LRRTM4: variants seen among roughly 807,000 people sequenced by gnomAD.
LRRTM4 encodes leucine rich repeat transmembrane neuronal 4.
Under a neutral mutation model 47.6 loss-of-function variants are expected in LRRTM4, and 25 were observed. That is an observed-to-expected ratio of 0.53 (90% CI 0.38 to 0.73). The LOEUF (loss-of-function observed/expected upper bound fraction) is 0.73. LRRTM4 is among the 30% of genes least tolerant of loss of function. The pLI is 0.00. For synonymous variants in LRRTM4, 311 were observed against 269.5 expected (o/e 1.15, Z -1.51); for missense variants, 638 against 713.4 (o/e 0.89, Z 1.20).
At chr2:77,079,299 C>T (rs994820261) in intron 3 of LRRTM4, among the ~76,000 whole-genome samples, 2 of 152,236 alleles carry the variant, frequency 1.3e-5, no homozygotes, top group East Asian at 3.9e-4. Flanking sequence ...AATTGGCAAA[C>T]CATGGTTTGC....
intron 3 of LRRTM4, among the ~76,000 whole-genome samples, chr2:77,020,961 C>A (rs1678245546): frequency 6.6e-6 from 1 of 152,054 alleles, no homozygotes; most frequent in South Asian, 2.1e-4. Flanking sequence ...ATGGGAGCTT[C>A]TATTACTGTT....
At chr2:77,434,454 A>G (rs942966115) in intron 3 of LRRTM4, among the ~76,000 whole-genome samples, 6 of 152,168 alleles carry the variant, frequency 3.9e-5, no homozygotes, top group Admixed American at 3.9e-4. Context: ...TGTTAAAAAA[A>G]AAAAAAACTA....
intron 3 of LRRTM4, among the ~76,000 whole-genome samples, chr2:76,879,575 A>C (rs1251998837): frequency 6.6e-6 from 1 of 152,192 alleles, no homozygotes; most frequent in Non-Finnish European, 1.5e-5. Context: ...ATGAGCTCTT[A>C]TGGAGATATG....
Position 77,142,890 on chromosome 2 carries a change from C to T in LRRTM4, c.1551+375428G>A, listed in dbSNP as rs183743610. 1.3e-3 allele frequency among the ~76,000 whole-genome samples: 199 copies of T among 152,208 alleles called. 1 individual carries two copies. In the Middle Eastern group the frequency reaches 0.014, roughly 10 times the overall value. Reference sequence around the variant, plus strand: ...AGTAACAGTGATGTAAAAAAAATTTCCCAAGGTTACTCCTCTTGTGACAAA... The same window carrying T: ...AGTAACAGTGATGTAAAAAAAATTTTCCAAGGTTACTCCTCTTGTGACAAA... On this transcript the variant is annotated intron_variant, in intron 3 of 3. Coordinates refer to ENST00000409884, the MANE Select transcript of LRRTM4 (RefSeq NM_001134745.3).
chr2:77,463,469 T>G (rs1028263461), intron 3 of LRRTM4, among the ~76,000 whole-genome samples: 1 of 152,136 alleles, frequency 6.6e-6, no homozygotes, highest in African/African-American at 2.4e-5. Flanking sequence ...CATAATTACC[T>G]AATTCAAAAT....
At chr2:77,039,086 A>T (rs1267419319) in intron 3 of LRRTM4, among the ~76,000 whole-genome samples, 1 of 151,458 alleles carries the variant, frequency 6.6e-6, no homozygotes, top group Admixed American at 6.6e-5. Flanking sequence ...GAATTAATTT[A>T]AAAAATAAAT....
chr2:77,302,159 G>T (rs1463622223), intron 3 of LRRTM4, among the ~76,000 whole-genome samples: 1 of 151,960 alleles, frequency 6.6e-6, no homozygotes, highest in Non-Finnish European at 1.5e-5. Context: ...TCACATCAGG[G>T]CAGTAAAATT....
chr2:76,890,876 G>A (rs1375693544), intron 3 of LRRTM4, among the ~76,000 whole-genome samples: 1 of 151,768 alleles, frequency 6.6e-6, no homozygotes, highest in Non-Finnish European at 1.5e-5. Flanking sequence ...GATGGTTTAG[G>A]AATAAAATAA....
chr2:77,255,072 TTAAAAG>T (rs925177778), intron 3 of LRRTM4, among the ~76,000 whole-genome samples: 2 of 151,944 alleles, frequency 1.3e-5, no homozygotes, highest in Non-Finnish European at 2.9e-5. Context: ...TATATGTGGT[TTAAAAG>T]TAAAAGTATA....
chr2:76,976,681 G>A (rs1390168278), intron 3 of LRRTM4, among the ~76,000 whole-genome samples: 1 of 151,658 alleles, frequency 6.6e-6, no homozygotes, highest in Non-Finnish European at 1.5e-5. Flanking sequence ...TAGAATTGTG[G>A]GTATTAGGGG....
intron 3 of LRRTM4, among the ~76,000 whole-genome samples, chr2:77,474,725 T>C (rs1193393733): frequency 6.6e-6 from 1 of 152,082 alleles, no homozygotes; most frequent in East Asian, 1.9e-4. Flanking sequence ...TGATTGAGGA[T>C]CAAAATTAGT....
At chr2:77,304,163 C>T (rs192885199) in intron 3 of LRRTM4, among the ~76,000 whole-genome samples, 186 of 152,204 alleles carry the variant, frequency 1.2e-3, no homozygotes, top group Non-Finnish European at 2.3e-3. Context: ...GAAGTGATAT[C>T]TTATTGGGAT....
intron 3 of LRRTM4, among the ~76,000 whole-genome samples, chr2:77,115,570 C>G (rs1671369912): frequency 6.6e-6 from 1 of 152,108 alleles, no homozygotes; most frequent in African/African-American, 2.4e-5. Context: ...TCCAGCCGGT[C>G]CCTCCGTTCG....
chr2:77,267,778 C>A (rs894479307), intron 3 of LRRTM4, among the ~76,000 whole-genome samples: 1 of 127,910 alleles, frequency 7.8e-6, no homozygotes, highest in African/African-American at 2.9e-5. Flanking sequence ...CACTGTCACA[C>A]AATTAGAATT....
At chr2:76,803,796 A>G (rs986952617) in intron 3 of LRRTM4, among the ~76,000 whole-genome samples, 2 of 152,182 alleles carry the variant, frequency 1.3e-5, no homozygotes, top group African/African-American at 4.8e-5. Flanking sequence ...AACTAATAAC[A>G]GTGGTTCACG....
chr2:77,322,024 A>G (rs1484705611), intron 3 of LRRTM4, among the ~76,000 whole-genome samples: 1 of 152,170 alleles, frequency 6.6e-6, no homozygotes, highest in Non-Finnish European at 1.5e-5. Context: ...AAAGGTTTTT[A>G]CTTTTTTCTT....
chr2:76,902,138 G>A (rs1673658540), intron 3 of LRRTM4, among the ~76,000 whole-genome samples: 1 of 152,036 alleles, frequency 6.6e-6, no homozygotes, highest in African/African-American at 2.4e-5. Flanking sequence ...TACAATAGAA[G>A]CCCACTTAAC....
intron 3 of LRRTM4, among the ~76,000 whole-genome samples, chr2:76,833,152 G>A (rs1671402674): frequency 1.3e-5 from 2 of 152,128 alleles, no homozygotes; most frequent in African/African-American, 4.8e-5. Context: ...AGGTTTGGGA[G>A]TTATTTGACA....
At chr2:77,182,783 A>G (rs1453512712) in intron 3 of LRRTM4, among the ~76,000 whole-genome samples, 1 of 152,162 alleles carries the variant, frequency 6.6e-6, no homozygotes, top group Non-Finnish European at 1.5e-5. Flanking sequence ...GTTTTTGCCC[A>G]TTCAGTATGA....
Sources: allele counts gnomAD v4.1 joint callset (sites outside exome capture counted in the v4.1 genomes callset), GRCh38; gene constraint gnomAD v4.1.1; transcripts MANE v1.5; gene names NCBI Gene and HGNC (gene_info 2026-07-23, HGNC 2026-07-21).